Variants in CDKAL1 observed in about 807,000 individuals in gnomAD.
The protein encoded by CDKAL1 is threonylcarbamoyladenosine tRNA methylthiotransferase.
Under a neutral mutation model 68.2 loss-of-function variants are expected in CDKAL1, and 32 were observed. That is an observed-to-expected ratio of 0.47 (90% CI 0.35 to 0.63). The LOEUF is 0.63. Among genes scored for constraint, CDKAL1 ranks in the 30% least tolerant of loss-of-function variants. The probability of loss-of-function intolerance (pLI) is 0.00; values close to 1 mark genes in which losing one functional copy is unlikely to be tolerated. For synonymous variants in CDKAL1, 234 were observed against 244.3 expected (o/e 0.96, Z 0.39); for missense variants, 606 against 696.7 (o/e 0.87, Z 1.47).
intron 11 of CDKAL1, among the ~76,000 whole-genome samples, chr6:21,002,745 T>A (rs765155926): frequency 9.9e-5 from 15 of 151,722 alleles, no homozygotes; most frequent in Non-Finnish European, 1.6e-4. Context: ...CCTAGTACAT[T>A]GGGAGGCTGA....
chr6:21,183,461 A>G (rs951936484), intron 13 of CDKAL1, among the ~76,000 whole-genome samples: 2 of 152,202 alleles, frequency 1.3e-5, no homozygotes, highest in African/African-American at 4.8e-5. Context: ...AACTAGTCAC[A>G]TATCCGTACA....
chr6:21,205,886 G>A (rs1163667248), intron 15 of CDKAL1, among the ~76,000 whole-genome samples: 1 of 135,200 alleles, frequency 7.4e-6, no homozygotes, highest in Non-Finnish European at 1.5e-5. Flanking sequence ...CCAGGCTGGA[G>A]TGCAGTGGCG....
intron 2 of CDKAL1, among the ~76,000 whole-genome samples, chr6:20,545,216 T>C (rs1763550842): frequency 6.6e-6 from 1 of 151,984 alleles, no homozygotes; most frequent in African/African-American, 2.4e-5. Context: ...TCATAGCCAG[T>C]CTGCCTTATG....
At chr6:20,565,695 A>C (rs1033941929) in intron 4 of CDKAL1, among the ~76,000 whole-genome samples, 1 of 152,182 alleles carries the variant, frequency 6.6e-6, no homozygotes, top group Non-Finnish European at 1.5e-5. Flanking sequence ...AGACTATCAT[A>C]TAGATATTTT....
chr6:20,808,223 G>GA (rs1352022957), intron 8 of CDKAL1, among the ~76,000 whole-genome samples: 1 of 152,026 alleles, frequency 6.6e-6, no homozygotes, highest in Non-Finnish European at 1.5e-5. Flanking sequence ...CTTCCACAGA[G>GA]AAAAAATTCT....
At chr6:20,725,133 C>T (rs1001499804) in intron 5 of CDKAL1, among the ~76,000 whole-genome samples, 4 of 152,104 alleles carry the variant, frequency 2.6e-5, no homozygotes, top group Non-Finnish European at 5.9e-5. Flanking sequence ...TCCCCACCCC[C>T]GCCTTTTTCT....
intron 12 of CDKAL1, among the ~76,000 whole-genome samples, chr6:21,071,348 C>T (rs1771759506): frequency 6.6e-6 from 1 of 152,096 alleles, no homozygotes; most frequent in Non-Finnish European, 1.5e-5. Flanking sequence ...TCTCCTCTCT[C>T]CTGCCACCTT....
intron 13 of CDKAL1, among the ~76,000 whole-genome samples, chr6:21,151,022 C>G (rs1776390222): frequency 6.6e-6 from 1 of 152,044 alleles, no homozygotes; most frequent in South Asian, 2.1e-4. Flanking sequence ...CAAAAGATAC[C>G]AAATGTTACT....
At chr6:20,603,794 T>TTTTTA (rs70990051) in intron 4 of CDKAL1, among the ~76,000 whole-genome samples, 1 of 134,406 alleles carries the variant, frequency 7.4e-6, no homozygotes, top group African/African-American at 3.1e-5. Flanking sequence ...TTTTTTTTTT[T>TTTTTA]GAGACGGAGT....
chr6:20,635,547 A>G (rs541143477), intron 4 of CDKAL1, among the ~76,000 whole-genome samples: 1 of 152,296 alleles, frequency 6.6e-6, no homozygotes, highest in Non-Finnish European at 1.5e-5. Context: ...GAGCGTCCCT[A>G]ATCCAAAGAT....
chr6:21,015,547 T>C (rs1768276008), intron 11 of CDKAL1, among the ~76,000 whole-genome samples: 2 of 152,204 alleles, frequency 1.3e-5, no homozygotes, highest in South Asian at 4.1e-4. Context: ...AAAAATTATT[T>C]CGTTGTCCAG....
intron 5 of CDKAL1, among the ~76,000 whole-genome samples, chr6:20,655,583 C>T (rs533102069): frequency 1.3e-5 from 2 of 152,318 alleles, no homozygotes; most frequent in South Asian, 2.1e-4. Flanking sequence ...CAGGAGCACA[C>T]ATCCTATTGT....
In CDKAL1 at chr6:21,114,075, C is replaced by T. The variant is rs182310130; in HGVS notation, c.1299+5612C>T. Among the ~76,000 whole-genome samples the T allele has an allele frequency of 2.4e-3, 371 of 151,884 alleles. 1 individual carries two copies. Among genetic ancestry groups the T allele is most frequent in the African/African-American group, 8.4e-3 (346 of 41,372 alleles). On this transcript the variant is annotated intron_variant, in intron 13 of 15. Coordinates refer to ENST00000274695, the MANE Select transcript of CDKAL1 (RefSeq NM_017774.3). ...CATCCTGGCTAACGCAGTGAAACCC[C>T]GTCTCTACTAAAAACAGAAAAAATT...
intron 15 of CDKAL1, among the ~76,000 whole-genome samples, chr6:21,227,361 G>A (rs898150433): frequency 1.3e-5 from 2 of 152,070 alleles, no homozygotes; most frequent in East Asian, 1.9e-4. Context: ...TATCTCAGTG[G>A]TAGTGACAAT....
At chr6:20,773,905 C>T (rs1775058986) in intron 7 of CDKAL1, among the ~76,000 whole-genome samples, 1 of 152,150 alleles carries the variant, frequency 6.6e-6, no homozygotes. Flanking sequence ...CTTCTGCCCT[C>T]TGCCCTCTGC....
At chr6:20,786,915 C>T (rs1047160920) in intron 8 of CDKAL1, among the ~76,000 whole-genome samples, 1 of 152,108 alleles carries the variant, frequency 6.6e-6, no homozygotes, top group Non-Finnish European at 1.5e-5. Flanking sequence ...CTTTATTTTA[C>T]CTTCTCTGAC....
In CDKAL1 at chr6:20,994,578, T is replaced by A. The variant is rs989678582; in HGVS notation, c.910-5649T>A. Among the ~76,000 whole-genome samples, 3 of 152,350 alleles carry A rather than the reference T, an allele frequency of 2.0e-5. No individual in the cohort carries two copies. The South Asian group carries it at 6.2e-4, about 32-fold the overall frequency. Reference sequence around the variant, plus strand: ...GATGGGGCTACCTTTATTTAAAGTGTCTTCATTGTTACAGGCATACCTCAG... The same window carrying A: ...GATGGGGCTACCTTTATTTAAAGTGACTTCATTGTTACAGGCATACCTCAG... On this transcript the variant is annotated intron_variant, in intron 10 of 15. Transcript: ENST00000274695.
At chr6:21,157,117 C>T (rs1261198126) in intron 13 of CDKAL1, among the ~76,000 whole-genome samples, 1 of 152,178 alleles carries the variant, frequency 6.6e-6, no homozygotes, top group Non-Finnish European at 1.5e-5. Context: ...TAGATTTGAT[C>T]CCTGCTCTAT....
intron 9 of CDKAL1, among the ~76,000 whole-genome samples, chr6:20,908,037 C>G (rs6909682): frequency 0.96 from 145,790 of 152,282 alleles, 69,801 homozygotes; most frequent in East Asian, 1. Context: ...CACTTTTGCT[C>G]CAAAACTTGT....
Sources: gnomAD v4.1 joint callset for allele counts (sites outside exome capture counted in the v4.1 genomes callset) on GRCh38, gnomAD v4.1.1 for gene constraint, MANE v1.5 for transcripts, NCBI Gene and HGNC (gene_info 2026-07-23, HGNC 2026-07-21) for gene names.